The following SYNPR variants were observed in gnomAD, a reference collection of about 807,000 sequenced individuals.
SYNPR encodes the protein synaptoporin.
Under a neutral mutation model 32.9 loss-of-function variants are expected in SYNPR, and 23 were observed. That is an observed-to-expected ratio of 0.70 (90% confidence interval 0.50 to 0.99). The LOEUF (loss-of-function observed/expected upper bound fraction) is 0.99, where lower values mean the gene tolerates loss of function less well. SYNPR is among the 50% of genes least tolerant of loss of function. SYNPR has a pLI of 0.00. For synonymous variants in SYNPR, 146 were observed against 135.9 expected (o/e 1.07, Z -0.52); for missense variants, 318 against 349.3 (o/e 0.91, Z 0.71).
chr3:63,598,191 A>AT (rs762866173), intron 4 of SYNPR, among the ~76,000 whole-genome samples: 1 of 152,312 alleles, frequency 6.6e-6, no homozygotes, highest in Non-Finnish European at 1.5e-5. Context: ...ATATTTGTTT[A>AT]TTTTTTATCA....
intron 2 of SYNPR, among the ~76,000 whole-genome samples, chr3:63,459,841 G>C (rs959500550): frequency 4.0e-5 from 6 of 151,892 alleles, no homozygotes; most frequent in Non-Finnish European, 2.9e-5. Flanking sequence ...ATTACACCAA[G>C]ACAGAGGAAA....
intron 2 of SYNPR, among the ~76,000 whole-genome samples, chr3:63,326,487 C>T (rs758545624): frequency 7.9e-5 from 12 of 152,068 alleles, no homozygotes; most frequent in East Asian, 1.9e-4. Flanking sequence ...AGGTCTCCTT[C>T]GTAACAAATA....
At chr3:63,552,016 G>T (rs2106822013) in intron 3 of SYNPR, among the ~76,000 whole-genome samples, 1 of 152,080 alleles carries the variant, frequency 6.6e-6, no homozygotes, top group South Asian at 2.1e-4. Context: ...TCCTGCCTCA[G>T]CCTCCCGAGT....
At chr3:63,568,811 C>T (rs1702837999) in intron 4 of SYNPR, among the ~76,000 whole-genome samples, 1 of 152,188 alleles carries the variant, frequency 6.6e-6, no homozygotes, top group African/African-American at 2.4e-5. Flanking sequence ...ACATTCTAGA[C>T]TTTCCGGTTG....
At chr3:63,264,663 C>T (rs1262124462) in intron 2 of SYNPR, among the ~76,000 whole-genome samples, 6 of 152,170 alleles carry the variant, frequency 3.9e-5, no homozygotes, top group Non-Finnish European at 7.3e-5. Flanking sequence ...TTAGTTCTCA[C>T]ACTGCTATGA....
intron 4 of SYNPR, among the ~76,000 whole-genome samples, chr3:63,560,127 C>T (rs1345682497): frequency 1.3e-5 from 2 of 151,972 alleles, no homozygotes; most frequent in African/African-American, 4.8e-5. Context: ...TTCATTATGT[C>T]GTGGGAGGAA....
chr3:63,481,330 C>T (rs1378078449), intron 3 of SYNPR, among the ~76,000 whole-genome samples: 1 of 152,084 alleles, frequency 6.6e-6, no homozygotes, highest in Non-Finnish European at 1.5e-5. Flanking sequence ...ACAAGAATGA[C>T]AGATTGTTTC....
At chr3:63,210,945 T>C in the SYNPR span, among the ~76,000 whole-genome samples, 1 of 152,172 alleles carries the variant, frequency 6.6e-6, no homozygotes, top group Non-Finnish European at 1.5e-5. Context: ...ACACATCCTT[T>C]ACTGGTTCTT....
At chr3:63,367,214 C>A (rs1015258492) in intron 2 of SYNPR, among the ~76,000 whole-genome samples, 16 of 151,956 alleles carry the variant, frequency 1.1e-4, no homozygotes, top group African/African-American at 3.6e-4. Context: ...TTTTATAATA[C>A]CAAGTAGAAC....
At chr3:63,334,086 A>C (rs181057834) in intron 2 of SYNPR, among the ~76,000 whole-genome samples, 8 of 152,324 alleles carry the variant, frequency 5.3e-5, no homozygotes, top group Non-Finnish European at 7.4e-5. Context: ...ACCATAAAGT[A>C]TTTTTGGCTC....
chr3:63,589,288 C>T (rs193263898), intron 4 of SYNPR, among the ~76,000 whole-genome samples: 2 of 152,194 alleles, frequency 1.3e-5, no homozygotes, highest in African/African-American at 4.8e-5. Flanking sequence ...ATTTCCAAAA[C>T]ACCAAGGACT....
chr3:63,414,561 A>T (rs1272795468), intron 2 of SYNPR, among the ~76,000 whole-genome samples: 2 of 152,232 alleles, frequency 1.3e-5, no homozygotes, highest in Non-Finnish European at 2.9e-5. Flanking sequence ...GAATATTCAG[A>T]TTGATTGCAA....
intron 2 of SYNPR, among the ~76,000 whole-genome samples, chr3:63,451,359 T>C (rs986805896): frequency 8.5e-5 from 13 of 152,190 alleles, no homozygotes; most frequent in African/African-American, 3.1e-4. Flanking sequence ...TAAAGTAGTC[T>C]GGAAATGCTT....
chr3:63,331,063 T>C (rs1183053363), intron 2 of SYNPR, among the ~76,000 whole-genome samples: 1 of 152,148 alleles, frequency 6.6e-6, no homozygotes, highest in Admixed American at 6.5e-5. Context: ...TTGGCCTAGA[T>C]GAGGGTCAGA....
At chr3:63,555,583 C>T (rs550474263) in intron 3 of SYNPR, among the ~76,000 whole-genome samples, 9 of 152,160 alleles carry the variant, frequency 5.9e-5, no homozygotes, top group African/African-American at 1.7e-4. Context: ...TTGTCTGTAT[C>T]CAGTAATTTA....
intron 2 of SYNPR, among the ~76,000 whole-genome samples, chr3:63,308,882 T>C (rs1575593378): frequency 6.6e-6 from 1 of 151,976 alleles, no homozygotes; most frequent in East Asian, 1.9e-4. Flanking sequence ...AATTATAAAT[T>C]TTCATTAAAT....
chr3:63,375,285 A>G (rs924004208), intron 2 of SYNPR, among the ~76,000 whole-genome samples: 7 of 152,170 alleles, frequency 4.6e-5, no homozygotes, highest in African/African-American at 1.4e-4. Flanking sequence ...TGTTTACTGC[A>G]GCACTATTCA....
At chr3:63,269,791 T>G (rs1383829972) in intron 3 of SYNPR, among the ~76,000 whole-genome samples, 1 of 152,210 alleles carries the variant, frequency 6.6e-6, no homozygotes, top group Non-Finnish European at 1.5e-5. Context: ...CCACCTAATA[T>G]GTGCCAGACA....
At chr3:63,338,428 C>T (rs867497895) in intron 2 of SYNPR, among the ~76,000 whole-genome samples, 59 of 152,300 alleles carry the variant, frequency 3.9e-4, no homozygotes, top group Middle Eastern at 3.4e-3. Flanking sequence ...CCCCTTTGGA[C>T]ATCTTCAAAT....
Sources: allele counts gnomAD v4.1 joint callset (sites outside exome capture counted in the v4.1 genomes callset), GRCh38; gene constraint gnomAD v4.1.1; transcripts MANE v1.5; gene names NCBI Gene and HGNC (gene_info 2026-07-23, HGNC 2026-07-21).